The following SPAG16 variants were observed in gnomAD, a reference collection of about 807,000 sequenced individuals.
SPAG16 encodes the protein sperm-associated antigen 16 protein.
SPAG16 carries 86 observed loss-of-function variants against 80.4 expected under a neutral mutation model. The ratio of observed to expected loss-of-function variants is 1.07; its 90% confidence interval spans 0.90 to 1.28. The LOEUF (loss-of-function observed/expected upper bound fraction) is 1.28, where lower values mean the gene tolerates loss of function less well. SPAG16 is among the 50% of genes most tolerant of loss of function. SPAG16 has a pLI of 0.00. For missense variants in SPAG16, 870 were observed against 765.3 expected, an observed-to-expected ratio of 1.14 and a Z score of -1.61; for synonymous variants, 294 against 265.9, an observed-to-expected ratio of 1.11 and a Z score of -1.03.
At chr2:213,411,168 C>G (rs961145026) in intron 9 of SPAG16, among the ~76,000 whole-genome samples, 26 of 152,196 alleles carry the variant, frequency 1.7e-4, no homozygotes, top group Non-Finnish European at 1.8e-4. Context: ...CCCTTTCACC[C>G]TGGCATTTCA....
Position 213,929,959 on chromosome 2 carries a change from G to A in SPAG16, c.1215-1G>A, listed in dbSNP as rs952728681. ...CTGTCTTTTTATGTTTTTGCAAATA[G>A]TGGCGACAAATTGGCTACTTCAAGT... On this transcript the variant is annotated splice_acceptor_variant, in intron 11 of 15. Coordinates refer to ENST00000331683, the MANE Select transcript of SPAG16 (RefSeq NM_024532.5). LOFTEE classifies it high-confidence loss of function. 32 of 1,600,084 alleles carry A rather than the reference G, an allele frequency of 2.0e-5. No homozygotes were observed. In the East Asian group the frequency reaches 6.9e-4, roughly 35 times the overall value.
intron 10 of SPAG16, among the ~76,000 whole-genome samples, chr2:213,536,753 C>T (rs532163767): frequency 5.3e-5 from 8 of 152,052 alleles, no homozygotes; most frequent in South Asian, 2.1e-4. Flanking sequence ...GAGTAGGTTG[C>T]GAAAATTTTC....
rs142391401 is a variant in SPAG16, at chr2:213,779,825, C to T, written c.1071-82660C>T. Among the ~76,000 whole-genome samples the T allele has an allele frequency of 9.3e-3, 1,412 of 152,172 alleles. 11 individuals carry two copies. The highest frequency in any genetic ancestry group is 0.017 in the Middle Eastern group (5 of 294). The stretch of plus-strand genomic sequence containing the variant: ...AAGTCTGAATACTTAAAAATTGAAA[C>T]GTGTTATTTTATCCCAGTAAGGAAG... On this transcript the variant is annotated intron_variant, in intron 10 of 15. Transcript: ENST00000331683.
intron 11 of SPAG16, among the ~76,000 whole-genome samples, chr2:213,879,698 A>G (rs541211510): frequency 1.3e-5 from 2 of 152,062 alleles, no homozygotes; most frequent in Non-Finnish European, 2.9e-5. Context: ...AGTGTGCTCA[A>G]TCTTTAGTTC....
intron 9 of SPAG16, among the ~76,000 whole-genome samples, chr2:213,398,007 T>G (rs889622973): frequency 6.6e-6 from 1 of 152,198 alleles, no homozygotes; most frequent in Non-Finnish European, 1.5e-5. Flanking sequence ...TAATGGAAAC[T>G]CCACACTTTA....
intron 10 of SPAG16, among the ~76,000 whole-genome samples, chr2:213,699,267 T>G (rs2065296489): frequency 6.6e-6 from 1 of 152,198 alleles, no homozygotes; most frequent in Non-Finnish European, 1.5e-5. Context: ...CTCCTCCACC[T>G]TTTATTTTTT....
chr2:213,442,818 A>G (rs776979055), intron 9 of SPAG16, among the ~76,000 whole-genome samples: 1 of 152,174 alleles, frequency 6.6e-6, no homozygotes, highest in Non-Finnish European at 1.5e-5. Context: ...CTCCTAGAAT[A>G]TAACAGAAAA....
chr2:214,337,811 C>T (rs59238394), intron 15 of SPAG16, among the ~76,000 whole-genome samples: 3,959 of 152,224 alleles, frequency 0.026, 174 homozygotes, highest in African/African-American at 0.09. Context: ...GGCTTCCTTT[C>T]TGTCTTTTAT....
At chr2:214,388,235 G>A (rs2126121990) in intron 15 of SPAG16, among the ~76,000 whole-genome samples, 1 of 151,822 alleles carries the variant, frequency 6.6e-6, no homozygotes, top group African/African-American at 2.4e-5. Flanking sequence ...ATACAGGTTT[G>A]GTAGAGCCTG....
At chr2:214,151,993 G>C (rs1441141211) in intron 15 of SPAG16, among the ~76,000 whole-genome samples, 1 of 152,082 alleles carries the variant, frequency 6.6e-6, no homozygotes, top group Non-Finnish European at 1.5e-5. Flanking sequence ...GTGTCTCAAG[G>C]TTGTGAGGTG....
Position 214,121,426 on chromosome 2 carries a change from C to G in SPAG16, c.1593+13165C>G, listed in dbSNP as rs190931371. Among the ~76,000 whole-genome samples, 131 of 151,924 alleles carry G rather than the reference C, an allele frequency of 8.6e-4. 1 individual carries two copies. Among genetic ancestry groups the G allele is most frequent in the African/African-American group, 3.0e-3 (126 of 41,528 alleles). ...ATAGTTTACCATGCCTTTGGAGTCT[C>G]TGTACAATTGTCCAATTTCAGTTAT... On this transcript the variant is annotated intron_variant, in intron 14 of 15. Coordinates refer to ENST00000331683, the MANE Select transcript of SPAG16 (RefSeq NM_024532.5).
chr2:214,122,247 C>G (rs140390010), intron 14 of SPAG16, among the ~76,000 whole-genome samples: 87 of 151,630 alleles, frequency 5.7e-4, no homozygotes, highest in African/African-American at 2.1e-3. Context: ...GAGCTAAATC[C>G]TACTAAAAAA....
intron 10 of SPAG16, among the ~76,000 whole-genome samples, chr2:213,801,966 CAT>C (rs1418256285): frequency 1.3e-5 from 2 of 152,162 alleles, no homozygotes; most frequent in Non-Finnish European, 2.9e-5. Flanking sequence ...ATATATAAGA[CAT>C]AGGCATTTAC....
At chr2:213,384,634 A>G (rs191147237) in intron 9 of SPAG16, among the ~76,000 whole-genome samples, 6 of 152,232 alleles carry the variant, frequency 3.9e-5, no homozygotes, top group African/African-American at 7.2e-5. Flanking sequence ...TGTACTTGCT[A>G]TGGTGTAGGA....
chr2:214,012,282 A>T (rs1330157992), intron 12 of SPAG16, among the ~76,000 whole-genome samples: 957 of 50,512 alleles, frequency 0.019, 29 homozygotes, highest in African/African-American at 0.052. Flanking sequence ...ATATATATAT[A>T]TATATATTTT....
chr2:213,731,635 C>T (rs2067050165), intron 10 of SPAG16, among the ~76,000 whole-genome samples: 1 of 152,050 alleles, frequency 6.6e-6, no homozygotes, highest in East Asian at 1.9e-4. Flanking sequence ...GCCCCTCTTC[C>T]CACCCCCTGC....
At chr2:214,069,977 G>C (rs1303855648) in intron 13 of SPAG16, among the ~76,000 whole-genome samples, 1 of 151,836 alleles carries the variant, frequency 6.6e-6, no homozygotes, top group East Asian at 1.9e-4. Flanking sequence ...ACATTGAATT[G>C]TGAGTATAGT....
At chr2:214,084,230 T>C (rs1043947937) in intron 13 of SPAG16, among the ~76,000 whole-genome samples, 6 of 152,180 alleles carry the variant, frequency 3.9e-5, no homozygotes, top group African/African-American at 1.4e-4. Flanking sequence ...CATCAAGTCC[T>C]CTCATTTGTT....
chr2:213,625,691 TG>T (rs1559321481), intron 10 of SPAG16, among the ~76,000 whole-genome samples: 1 of 152,148 alleles, frequency 6.6e-6, no homozygotes, highest in African/African-American at 2.4e-5. Flanking sequence ...TTTTTGTTTT[TG>T]TTTTTGTTTT....
Sources: allele counts gnomAD v4.1 joint callset (sites outside exome capture counted in the v4.1 genomes callset), GRCh38; gene constraint gnomAD v4.1.1; transcripts MANE v1.5; gene names NCBI Gene and HGNC (gene_info 2026-07-23, HGNC 2026-07-21).